The following PACSIN2 variants were observed in gnomAD, a reference collection of about 807,000 sequenced individuals.
The protein encoded by PACSIN2 is protein kinase C and casein kinase substrate in neurons 2, also known as protein kinase C and casein kinase substrate in neurons protein 2.
In PACSIN2, 25 loss-of-function variants were observed where a neutral mutation model predicts 63.8. The ratio of observed to expected loss-of-function variants is 0.39; its 90% CI spans 0.29 to 0.55. The LOEUF is 0.55. Among genes scored for constraint, PACSIN2 ranks in the 20% least tolerant of loss-of-function variants. PACSIN2 has a pLI of 0.62. For missense variants in PACSIN2, 518 were observed against 646.9 expected, an observed-to-expected ratio of 0.80 and a Z score of 2.16; for synonymous variants, 255 against 256.2, an observed-to-expected ratio of 1.00 and a Z score of 0.05.
At chr22:42,987,344 A>T (rs965922486) in intron 1 of PACSIN2, among the ~76,000 whole-genome samples, 1 of 151,536 alleles carries the variant, frequency 6.6e-6, no homozygotes, top group Non-Finnish European at 1.5e-5. Context: ...TTTCATCTCC[A>T]GCCCCTAGAT....
intron 1 of PACSIN2, among the ~76,000 whole-genome samples, chr22:42,949,846 A>G (rs1933601580): frequency 6.6e-6 from 1 of 152,264 alleles, no homozygotes; most frequent in Admixed American, 6.5e-5. Flanking sequence ...TAAACTGAGT[A>G]AATATCAAGC....
chr22:42,941,976 C>T (rs1933186716), intron 1 of PACSIN2, among the ~76,000 whole-genome samples: 1 of 152,106 alleles, frequency 6.6e-6, no homozygotes, highest in Non-Finnish European at 1.5e-5. Context: ...AGGGTTTCAC[C>T]ATGTTGGCCA....
chr22:42,919,577 A>C (rs546811394), intron 1 of PACSIN2, among the ~76,000 whole-genome samples: 2 of 152,210 alleles, frequency 1.3e-5, no homozygotes, highest in African/African-American at 4.8e-5. Context: ...GTTTAAGACC[A>C]GCCTGGCCAA....
At chr22:42,956,152 C>T (rs1034194516) in intron 1 of PACSIN2, among the ~76,000 whole-genome samples, 2 of 152,176 alleles carry the variant, frequency 1.3e-5, no homozygotes, top group African/African-American at 2.4e-5. Flanking sequence ...ATTCATAGCA[C>T]CCTTCACATT....
intron 1 of PACSIN2, among the ~76,000 whole-genome samples, chr22:42,944,047 C>T (rs1414381618): frequency 6.6e-6 from 1 of 152,170 alleles, no homozygotes; most frequent in African/African-American, 2.4e-5. Context: ...GTTCTACCTG[C>T]TAAGCCAGAC....
At chr22:42,978,087 G>A (rs900278880) in intron 1 of PACSIN2, among the ~76,000 whole-genome samples, 1 of 152,138 alleles carries the variant, frequency 6.6e-6, no homozygotes, top group Non-Finnish European at 1.5e-5. Context: ...TCACTCACTG[G>A]CTCATTCATT....
intron 9 of PACSIN2, 62 bp downstream of exon 9, chr22:42,876,826 G>GAA: frequency 2.7e-5 from 44 of 1,605,456 alleles, no homozygotes; most frequent in Non-Finnish European, 3.7e-5. Flanking sequence ...CCCCTGGACA[G>GAA]AGAGAGAGGA....
At chr22:42,900,603 G>C (rs1569243283) in intron 2 of PACSIN2, among the ~76,000 whole-genome samples, 1 of 152,136 alleles carries the variant, frequency 6.6e-6, no homozygotes, top group African/African-American at 2.4e-5. Context: ...CCTCCGAGTA[G>C]CTGGGACCAC....
chr22:42,995,005 A>G (rs534562004), intron 1 of PACSIN2, among the ~76,000 whole-genome samples: 2 of 152,338 alleles, frequency 1.3e-5, no homozygotes, highest in African/African-American at 4.8e-5. Flanking sequence ...AATTCCATTT[A>G]GGCTGCCTCC....
chr22:42,990,046 A>G lies in PACSIN2; in HGVS notation c.-78+24975T>C, dbSNP rs1922936640. On this transcript the variant is annotated intron_variant, in intron 1 of 10. Coordinates refer to ENST00000263246, the MANE Select transcript of PACSIN2 (RefSeq NM_001184970.3). ...CATATGTATATATATGTATATATATATATATACACACACATATGTGTGTAT... is the reference window on the plus strand; with the variant it reads ...CATATGTATATATATGTATATATATGTATATACACACACATATGTGTGTAT... Among the ~76,000 whole-genome samples the G allele has an allele frequency of 1.5e-4, 4 of 26,600 alleles. No individual in the cohort carries two copies. The South Asian group carries it at 3.8e-3, about 25-fold the overall frequency. 17.5% of individuals were successfully genotyped at this position (26,600 alleles called of 152,430 possible). A position where few individuals can be genotyped will look rare whatever the true frequency, so the allele number is the denominator to read the frequency against.
At chr22:42,913,371 C>G (rs1046161405) in intron 1 of PACSIN2, among the ~76,000 whole-genome samples, 4 of 151,482 alleles carry the variant, frequency 2.6e-5, no homozygotes, top group African/African-American at 9.7e-5. Context: ...CCCAGCTACT[C>G]AGGAGGCTGA....
intron 1 of PACSIN2, among the ~76,000 whole-genome samples, chr22:42,939,802 C>G (rs905072621): frequency 2.0e-5 from 3 of 152,090 alleles, no homozygotes; most frequent in East Asian, 1.9e-4. Context: ...TCAGGGTGAA[C>G]GAAAGGTCAT....
intron 1 of PACSIN2, among the ~76,000 whole-genome samples, chr22:42,972,264 G>T (rs1807573): frequency 0.6 from 91,649 of 152,012 alleles, 28,176 homozygotes; most frequent in East Asian, 0.78. Context: ...AATGGATTAA[G>T]GGCGGTGCAC....
chr22:42,873,866 TCA>T (rs1928364639), intron 10 of PACSIN2, among the ~76,000 whole-genome samples: 1 of 151,648 alleles, frequency 6.6e-6, no homozygotes, highest in Non-Finnish European at 1.5e-5. Flanking sequence ...TGATCTCAGC[TCA>T]CTGCAACCTC....
chr22:42,931,183 C>T (rs983135609), intron 1 of PACSIN2, among the ~76,000 whole-genome samples: 5 of 152,230 alleles, frequency 3.3e-5, no homozygotes, highest in African/African-American at 1.2e-4. Context: ...CGGCTGGGCA[C>T]AGCACCTGGC....
intron 2 of PACSIN2, among the ~76,000 whole-genome samples, chr22:42,897,587 C>T (rs1218700670): frequency 2.0e-5 from 3 of 152,226 alleles, no homozygotes; most frequent in African/African-American, 7.2e-5. Context: ...GCTCACTCCA[C>T]TCAGAAACTA....
chr22:42,916,654 G>A (rs897883906), intron 1 of PACSIN2, among the ~76,000 whole-genome samples: 5 of 151,984 alleles, frequency 3.3e-5, no homozygotes, highest in Non-Finnish European at 5.9e-5. Flanking sequence ...CTTGCAGTCC[G>A]CTCTATGGCT....
chr22:42,876,061 TA>T, intron 10 of PACSIN2, 75 bp downstream of exon 10: 1 of 1,349,742 alleles, frequency 7.4e-7, no homozygotes, highest in Non-Finnish European at 1.0e-6. Context: ...TTTCCAGACT[TA>T]AAAAACAAAA....
At chr22:42,992,141 T>C (rs1923088197) in intron 1 of PACSIN2, among the ~76,000 whole-genome samples, 1 of 152,208 alleles carries the variant, frequency 6.6e-6, no homozygotes. Context: ...AAAATATATT[T>C]TAAAAATTTC....
Sources: allele counts gnomAD v4.1 joint callset (sites outside exome capture counted in the v4.1 genomes callset), GRCh38; gene constraint gnomAD v4.1.1; transcripts MANE v1.5; gene names NCBI Gene and HGNC (gene_info 2026-07-23, HGNC 2026-07-21).